The following CALN1 variants were observed in gnomAD, a reference collection of about 807,000 sequenced individuals.
CALN1 encodes calcium-binding protein 8.
Under a neutral mutation model 30.6 loss-of-function variants are expected in CALN1, and 17 were observed. The ratio of observed to expected loss-of-function variants is 0.56; its 90% CI spans 0.38 to 0.83. CALN1 has a LOEUF of 0.83. Among genes scored for constraint, CALN1 ranks in the 40% least tolerant of loss-of-function variants. CALN1 has a pLI of 0.00. For synonymous variants in CALN1, 156 were observed against 131.4 expected (o/e 1.19, Z -1.28); for missense variants, 291 against 354.9 (o/e 0.82, Z 1.45).
chr7:71,989,822 A>T (rs1328078414), intron 5 of CALN1, among the ~76,000 whole-genome samples: 2 of 152,226 alleles, frequency 1.3e-5, no homozygotes, highest in Admixed American at 1.3e-4. Context: ...CTTAAAAAAA[A>T]TCCAGGCACA....
intron 5 of CALN1, among the ~76,000 whole-genome samples, chr7:71,868,299 T>C (rs1013024073): frequency 6.6e-6 from 1 of 151,710 alleles, no homozygotes; most frequent in African/African-American, 2.4e-5. Flanking sequence ...CTTCCAATCA[T>C]GGCAGAAGGC....
At chr7:71,873,490 C>T (rs1792065803) in intron 5 of CALN1, among the ~76,000 whole-genome samples, 1 of 152,128 alleles carries the variant, frequency 6.6e-6, no homozygotes, top group African/African-American at 2.4e-5. Flanking sequence ...GAATTAAAAC[C>T]CAGTGTTTTC....
At chr7:72,039,598 A>T (rs978021572) in intron 4 of CALN1, among the ~76,000 whole-genome samples, 3 of 152,238 alleles carry the variant, frequency 2.0e-5, no homozygotes, top group Non-Finnish European at 2.9e-5. Context: ...AGAGTGGGGA[A>T]GAGGAATAGA....
At chr7:71,911,123 G>A (rs561090555) in intron 5 of CALN1, among the ~76,000 whole-genome samples, 10 of 152,216 alleles carry the variant, frequency 6.6e-5, no homozygotes, top group African/African-American at 1.4e-4. Context: ...CCTTACTGGC[G>A]CCAGCAGACA....
intron 3 of CALN1, 80 bp downstream of exon 3, chr7:72,278,606 G>T (rs1243623283): frequency 1.3e-6 from 2 of 1,570,598 alleles, no homozygotes; most frequent in Non-Finnish European, 8.7e-7. Context: ...AAAGTCCAGG[G>T]CTTTCAATTG....
chr7:72,351,594 A>T lies in CALN1; in HGVS notation c.119+51657T>A, dbSNP rs1033472887. ...GGAAATGGAAATATACTATTAAAAG[A>T]TAGTCAATTTATCCATGAAGTGGTA... On this transcript the variant is annotated intron_variant, in intron 2 of 6. Coordinates refer to ENST00000395275, the MANE Select transcript of CALN1 (RefSeq NM_031468.4). Among the ~76,000 whole-genome samples the T allele has an allele frequency of 3.9e-5, 6 of 152,338 alleles. No individual in the cohort carries two copies. The East Asian group carries it at 1.2e-3, about 29-fold the overall frequency.
In CALN1 at chr7:72,107,666, G is replaced by C. The variant is rs958568181; in HGVS notation, c.245-1372C>G. 7.2e-5 allele frequency among the ~76,000 whole-genome samples: 11 copies of C among 152,322 alleles called. No homozygotes were observed. In the East Asian group the frequency reaches 1.9e-3, roughly 27 times the overall value. ...ATTGTTTCTGAGCACACCAGACCTA[G>C]AGCAGCTTTGACTTTTCATCAATAA... On this transcript the variant is annotated intron_variant, in intron 3 of 6. Coordinates refer to ENST00000395275, the MANE Select transcript of CALN1 (RefSeq NM_031468.4).
rs60710563 is a variant in CALN1 at position 71,782,292 on chromosome 7, G to C, written c.*5483C>G. The C allele has an allele frequency of 2.0e-5, 3 of 152,018 alleles. No individual in the cohort carries two copies. The highest frequency in any genetic ancestry group is 2.9e-5 in the Non-Finnish European group (2 of 68,026). 9.4% of individuals were successfully genotyped at this position (152,018 alleles called of 1,614,324 possible). A position where few individuals can be genotyped will look rare whatever the true frequency, so the allele number is the denominator to read the frequency against. On this transcript the variant is annotated 3_prime_UTR_variant, in exon 7 of 7. Transcript: ENST00000395275. ...TTACTTTATTAGTTCATGCAATTGC[G>C]GGTTGTTAAGAAAAGGAGACTGGCA...
chr7:72,074,025 C>T (rs1328875443), intron 4 of CALN1, among the ~76,000 whole-genome samples: 3 of 152,128 alleles, frequency 2.0e-5, no homozygotes, highest in Admixed American at 6.5e-5. Context: ...ATTTGATCAG[C>T]ACCTATTAGG....
intron 2 of CALN1, among the ~76,000 whole-genome samples, chr7:72,345,193 G>A (rs1016124892): frequency 6.6e-6 from 1 of 150,502 alleles, no homozygotes. Context: ...GAGCATCACA[G>A]GCATAGAAGG....
At position 72,377,342 on chromosome 7, in the gene CALN1, A is replaced by C. The variant is rs540945117; in HGVS notation, c.119+25909T>G. ...TAAACATTTTACACATAGCTGATTA[A>C]AGTCTTTGTCTAGTAAGTTCACCAT... On this transcript the variant is annotated intron_variant, in intron 2 of 6. Transcript: ENST00000395275. Among the ~76,000 whole-genome samples, 8 of 151,900 alleles carry C rather than the reference A, an allele frequency of 5.3e-5. No homozygotes were observed. The South Asian group carries it at 1.5e-3, about 28-fold the overall frequency.
chr7:71,790,665 C>A (rs1024127576), intron 6 of CALN1, among the ~76,000 whole-genome samples: 1 of 152,238 alleles, frequency 6.6e-6, no homozygotes, highest in Non-Finnish European at 1.5e-5. Context: ...GCTGAAACAG[C>A]AGCACCAGCG....
upstream of CALN1, among the ~76,000 whole-genome samples, chr7:72,415,264 A>G (rs189544666): frequency 2.6e-5 from 4 of 152,354 alleles, no homozygotes; most frequent in Admixed American, 2.6e-4. Flanking sequence ...ACCTGGGTCT[A>G]ATTCATACCA....
At chr7:72,289,333 G>T (rs1554353320) in intron 2 of CALN1, among the ~76,000 whole-genome samples, 1 of 152,196 alleles carries the variant, frequency 6.6e-6, no homozygotes, top group Non-Finnish European at 1.5e-5. Context: ...CAGTTCATCT[G>T]ACTGAGGAAG....
intron 3 of CALN1, among the ~76,000 whole-genome samples, chr7:72,231,699 G>T (rs1288013976): frequency 6.6e-6 from 1 of 152,146 alleles, no homozygotes; most frequent in Admixed American, 6.5e-5. Context: ...GGTACCTATA[G>T]GAAAAGATGT....
chr7:71,958,065 C>CAAAAAAA (rs56355838), intron 5 of CALN1, among the ~76,000 whole-genome samples: 9 of 93,866 alleles, frequency 9.6e-5, no homozygotes, highest in East Asian at 2.9e-4. Context: ...AACTCCATCT[C>CAAAAAAA]AAAAAAAAAA....
intron 5 of CALN1, among the ~76,000 whole-genome samples, chr7:71,925,914 C>T (rs560599475): frequency 8.5e-5 from 13 of 152,068 alleles, no homozygotes; most frequent in South Asian, 2.1e-4. Context: ...AGTGCAGTGG[C>T]GCAATCTCAG....
intron 2 of CALN1, among the ~76,000 whole-genome samples, chr7:72,306,156 A>G (rs1227437028): frequency 6.6e-6 from 1 of 152,220 alleles, no homozygotes; most frequent in Non-Finnish European, 1.5e-5. Context: ...AAGACAAGGA[A>G]GAAAATCAAA....
At chr7:72,268,793 C>CCCCACACACA (rs71515103) in intron 3 of CALN1, among the ~76,000 whole-genome samples, 3 of 145,834 alleles carry the variant, frequency 2.1e-5, no homozygotes, top group Admixed American at 1.4e-4. Context: ...CAAGACCCTG[C>CCCCACACACA]CACACACACA....
Sources: gnomAD v4.1 joint callset for allele counts (sites outside exome capture counted in the v4.1 genomes callset) on GRCh38, gnomAD v4.1.1 for gene constraint, MANE v1.5 for transcripts, NCBI Gene and HGNC (gene_info 2026-07-23, HGNC 2026-07-21) for gene names.